UNC5B: variants seen among roughly 807,000 people sequenced by gnomAD.
The protein encoded by UNC5B is netrin receptor UNC5B.
A neutral mutation model predicts 103.7 loss-of-function variants in UNC5B; 56 were observed. That is an observed-to-expected ratio of 0.54 (90% CI 0.44 to 0.67). The LOEUF (loss-of-function observed/expected upper bound fraction) is 0.67, where lower values mean the gene tolerates loss of function less well. UNC5B is among the 30% of genes least tolerant of loss of function. The pLI, the probability that UNC5B is intolerant of heterozygous loss-of-function variation, is 0.00. For missense variants in UNC5B, 1,194 were observed against 1,284.5 expected, an observed-to-expected ratio of 0.93 and a Z score of 1.08; for synonymous variants, 577 against 542.0, an observed-to-expected ratio of 1.06 and a Z score of -0.90.
chr10:71,273,878 A>G (rs570818779), intron 1 of UNC5B, among the ~76,000 whole-genome samples: 1 of 152,044 alleles, frequency 6.6e-6, no homozygotes, highest in African/African-American at 2.4e-5. Context: ...TGGTCACCTC[A>G]CCCTCCTGCA....
chr10:71,273,459 T>C (rs1281077210), intron 1 of UNC5B, among the ~76,000 whole-genome samples: 2 of 152,104 alleles, frequency 1.3e-5, no homozygotes, highest in Non-Finnish European at 2.9e-5. Context: ...ATAGTGACAA[T>C]CTCCCTCTCA....
At chr10:71,219,811 G>T (rs1300670096) in intron 1 of UNC5B, among the ~76,000 whole-genome samples, 1 of 152,226 alleles carries the variant, frequency 6.6e-6, no homozygotes, top group Non-Finnish European at 1.5e-5. Flanking sequence ...GGTGACAGAT[G>T]ATATGCAGGG....
At chr10:71,229,850 T>G (rs1211470808) in intron 1 of UNC5B, among the ~76,000 whole-genome samples, 1 of 152,086 alleles carries the variant, frequency 6.6e-6, no homozygotes, top group Non-Finnish European at 1.5e-5. Flanking sequence ...GTGGTGAGAA[T>G]CAGCCCCATG....
intron 8 of UNC5B, among the ~76,000 whole-genome samples, chr10:71,289,639 C>G (rs573430353): frequency 6.6e-6 from 1 of 152,362 alleles, no homozygotes; most frequent in Non-Finnish European, 1.5e-5. Context: ...CTCGGCCGAG[C>G]TCACTGGGGG....
Position 71,291,421 on chromosome 10 carries a change from T to C in UNC5B, c.1295-11T>C. 1 of 1,588,742 alleles carries C rather than the reference T, an allele frequency of 6.3e-7. No homozygotes were observed. The highest frequency in any genetic ancestry group is 8.6e-7 in the Non-Finnish European group (1 of 1,167,010). The stretch of plus-strand genomic sequence containing the variant: ...CACAGCTGGGTCTGACTATAGCCCC[T>C]ACTCCTGCAGGCAACCCGCAGCTCC... On this transcript the variant is annotated splice_polypyrimidine_tract_variant and intron_variant, in intron 9 of 16. Transcript: ENST00000335350.
In UNC5B at chr10:71,212,875, G is replaced by T. The variant is rs1843255071; in HGVS notation, c.-111G>T. 4.4e-6 allele frequency: 4 copies of T among 900,484 alleles called. No individual in the cohort carries two copies. Among genetic ancestry groups the T allele is most frequent in the Non-Finnish European group, 5.8e-6 (4 of 686,960 alleles). 55.8% of individuals were successfully genotyped at this position (900,484 alleles called of 1,614,324 possible). A position where few individuals can be genotyped will look rare whatever the true frequency, so the allele number is the denominator to read the frequency against. The stretch of plus-strand genomic sequence containing the variant: ...GGAAGGCACGGGCTGGCGCTGCCGG[G>T]CGCCGGGGAGGACGGCGAGGAGGAG... On this transcript the variant is annotated 5_prime_UTR_variant, in exon 1 of 17. Transcript: ENST00000335350.
intron 1 of UNC5B, among the ~76,000 whole-genome samples, chr10:71,215,010 G>A (rs1009398738): frequency 1.3e-5 from 2 of 152,220 alleles, no homozygotes; most frequent in East Asian, 3.8e-4. Context: ...GGGCCAACTG[G>A]TGGGGTCGGC....
intron 1 of UNC5B, among the ~76,000 whole-genome samples, chr10:71,249,810 G>A (rs1184862850): frequency 6.6e-6 from 1 of 152,226 alleles, no homozygotes; most frequent in Admixed American, 6.5e-5. Context: ...AGGTTACTTA[G>A]AGAATCTTCT....
intron 1 of UNC5B, among the ~76,000 whole-genome samples, chr10:71,242,401 GGGAGA>G (rs1235758711): frequency 6.6e-6 from 1 of 152,252 alleles, no homozygotes; most frequent in African/African-American, 2.4e-5. Context: ...AGACTGCTGA[GGGAGA>G]GGAGAGCCTG....
At chr10:71,232,608 T>C (rs1843705617) in intron 1 of UNC5B, among the ~76,000 whole-genome samples, 1 of 152,268 alleles carries the variant, frequency 6.6e-6, no homozygotes, top group Admixed American at 6.5e-5. Context: ...GCTCCGCCAG[T>C]TGGCAGCCCT....
Position 71,288,720 on chromosome 10 carries a change from C to G in UNC5B, c.1054C>G (p.Leu352Val). Residue 352 changes from leucine (L) to valine (V), a missense_variant, in exon 7 of 17, where the codon CTG becomes GTG. Physicochemically the swap from Leu to Val is conservative, Grantham distance 32 (BLOSUM62 1). Coordinates refer to ENST00000335350, the MANE Select transcript of UNC5B (RefSeq NM_170744.5). Reference protein sequence around the residue: ...LLDSKNCTDGLCMQNKKTLSD... With the variant: ...LLDSKNCTDGVCMQNKKTLSD... Reference sequence around the variant, plus strand: ...CGACTCTAAGAACTGCACAGATGGGCTGTGCATGCAAAGTGAGTCACAGGG... The same window carrying G: ...CGACTCTAAGAACTGCACAGATGGGGTGTGCATGCAAAGTGAGTCACAGGG... The G allele has an allele frequency of 6.2e-7, 1 of 1,611,268 alleles. No individual in the cohort carries two copies. Among genetic ancestry groups the G allele is most frequent in the Non-Finnish European group, 8.5e-7 (1 of 1,178,344 alleles).
chr10:71,242,878 T>A (rs1351817111), intron 1 of UNC5B, among the ~76,000 whole-genome samples: 1 of 152,082 alleles, frequency 6.6e-6, no homozygotes, highest in Non-Finnish European at 1.5e-5. Flanking sequence ...ACTGGGTGTG[T>A]CCCAGCCTTC....
At chr10:71,275,095 A>G (rs1394641348) in intron 1 of UNC5B, among the ~76,000 whole-genome samples, 1 of 152,232 alleles carries the variant, frequency 6.6e-6, no homozygotes, top group Non-Finnish European at 1.5e-5. Context: ...CTCTGCCTCC[A>G]GCGATCTTTC....
intron 1 of UNC5B, among the ~76,000 whole-genome samples, chr10:71,240,724 G>A (rs1264185210): frequency 6.6e-6 from 1 of 152,264 alleles, no homozygotes; most frequent in African/African-American, 2.4e-5. Context: ...CCTGAGGGGA[G>A]GATGGGGGCA....
intron 4 of UNC5B, among the ~76,000 whole-genome samples, chr10:71,286,257 C>T (rs976770500): frequency 6.6e-6 from 1 of 152,174 alleles, no homozygotes; most frequent in Admixed American, 6.5e-5. Flanking sequence ...ACCCGGGGAC[C>T]TTCTTCGTAT....
intron 1 of UNC5B, among the ~76,000 whole-genome samples, chr10:71,221,922 G>A (rs966348324): frequency 2.6e-5 from 4 of 152,136 alleles, no homozygotes; most frequent in Non-Finnish European, 4.4e-5. Context: ...CATTAGATTT[G>A]GGGATAAATG....
At position 71,296,793 on chromosome 10, in the gene UNC5B, G is replaced by A. The variant is rs753939993; in HGVS notation, c.2490+51G>A. 3.2e-6 allele frequency: 5 copies of A among 1,574,206 alleles called. No individual in the cohort carries two copies. The South Asian group carries it at 5.7e-5, about 18-fold the overall frequency. On this transcript the variant is annotated intron_variant, in intron 15 of 16. Coordinates refer to ENST00000335350, the MANE Select transcript of UNC5B (RefSeq NM_170744.5). The stretch of plus-strand genomic sequence containing the variant: ...CCAGCTGCACACCACACTGGCGGAG[G>A]TGAGGGAAGGGTGGGGCAGATATTC...
Position 71,234,486 on chromosome 10 carries a change from G to A in UNC5B, c.79+21422G>A, listed in dbSNP as rs113173129. Among the ~76,000 whole-genome samples the A allele has an allele frequency of 2.3e-3, 349 of 152,326 alleles. 5 individuals carry two copies. Among genetic ancestry groups the A allele is most frequent in the African/African-American group, 7.9e-3 (328 of 41,576 alleles). On this transcript the variant is annotated intron_variant, in intron 1 of 16. Transcript: ENST00000335350. Reference sequence around the variant, plus strand: ...TGGGGTTTCACTGAAAAGTATTCTGGGGACCAGCATAAGAAGCAAAGCCCC... The same window carrying A: ...TGGGGTTTCACTGAAAAGTATTCTGAGGACCAGCATAAGAAGCAAAGCCCC...
At position 71,293,532 on chromosome 10, in the gene UNC5B, A is replaced by G; in HGVS notation, c.1900A>G (p.Ile634Val). 6.2e-7 allele frequency: 1 copy of G among 1,613,928 alleles called. No individual in the cohort carries two copies. The highest frequency in any genetic ancestry group is 8.5e-7 in the Non-Finnish European group (1 of 1,180,006). Residue 634 changes from isoleucine to valine, a missense_variant, in exon 12 of 17, where the codon ATC (isoleucine) becomes GTC (valine). By Grantham distance (29) the Ile-to-Val change is conservative (BLOSUM62 3). Coordinates refer to ENST00000335350, the MANE Select transcript of UNC5B (RefSeq NM_170744.5). Reference sequence around the variant, plus strand: ...TGCCGAAGTCAGTGCCCGTGACTGGATCTTTCAGCTCAAGACCCAGGCCCA... The same window carrying G: ...TGCCGAAGTCAGTGCCCGTGACTGGGTCTTTCAGCTCAAGACCCAGGCCCA... ...HCAEVSARDW[I>V]FQLKTQAHQG...
Sources: allele counts gnomAD v4.1 joint callset (sites outside exome capture counted in the v4.1 genomes callset), GRCh38; gene constraint gnomAD v4.1.1; transcripts MANE v1.5; gene names NCBI Gene and HGNC (gene_info 2026-07-23, HGNC 2026-07-21).